KCNJ12: variants seen among roughly 807,000 people sequenced by gnomAD.
The protein encoded by KCNJ12 is potassium inwardly rectifying channel subfamily J member 12, also known as ATP-sensitive inward rectifier potassium channel 12.
Under a neutral mutation model 22.3 loss-of-function variants are expected in KCNJ12, and 2 were observed. That is an observed-to-expected ratio of 0.09 (90% confidence interval 0.04 to 0.28). The LOEUF (loss-of-function observed/expected upper bound fraction) is 0.28, where lower values mean the gene tolerates loss of function less well. Among genes scored for constraint, KCNJ12 ranks in the 10% least tolerant of loss-of-function variants. The pLI, the probability that KCNJ12 is intolerant of heterozygous loss-of-function variation, is 1.00. For missense variants in KCNJ12, 155 were observed against 633.3 expected, an observed-to-expected ratio of 0.24 and a Z score of 8.11; for synonymous variants, 117 against 261.4, an observed-to-expected ratio of 0.45 and a Z score of 5.33.
At chr17:21,379,115 A>G (rs1222658340) in intron 1 of KCNJ12, among the ~76,000 whole-genome samples, 1 of 152,220 alleles carries the variant, frequency 6.6e-6, no homozygotes, top group Admixed American at 6.5e-5. Flanking sequence ...GCCCTGCAAC[A>G]GCAAAATAAT....
chr17:21,382,930 T>G (rs1162586923), intron 1 of KCNJ12, among the ~76,000 whole-genome samples: 2 of 152,102 alleles, frequency 1.3e-5, no homozygotes, highest in Non-Finnish European at 2.9e-5. Context: ...ACCTCCACTG[T>G]GGGAGCGGGC....
intron 1 of KCNJ12, among the ~76,000 whole-genome samples, chr17:21,386,540 G>A (rs782170033): frequency 7.9e-5 from 12 of 151,954 alleles, no homozygotes; most frequent in African/African-American, 1.4e-4. Flanking sequence ...ATGGAGTCTC[G>A]CTCTGTCACC....
chr17:21,403,419 T>G (rs1399256188), intron 1 of KCNJ12, among the ~76,000 whole-genome samples: 2 of 152,304 alleles, frequency 1.3e-5, no homozygotes, highest in South Asian at 2.1e-4. Flanking sequence ...TCCCAGCCTT[T>G]CCTTTGGTGG....
At chr17:21,398,575 A>G (rs1195466695) in intron 1 of KCNJ12, among the ~76,000 whole-genome samples, 1 of 152,064 alleles carries the variant, frequency 6.6e-6, no homozygotes, top group African/African-American at 2.4e-5. Flanking sequence ...CTCAGCGGTG[A>G]CCTGCTCATC....
intron 1 of KCNJ12, among the ~76,000 whole-genome samples, chr17:21,392,342 A>G (rs1265501800): frequency 3.3e-5 from 5 of 152,228 alleles, no homozygotes; most frequent in Non-Finnish European, 5.9e-5. Flanking sequence ...GTTTGCTCAG[A>G]GAACCCAGTT....
chr17:21,406,857 G>A (rs1459941397), intron 1 of KCNJ12, among the ~76,000 whole-genome samples: 1 of 152,292 alleles, frequency 6.6e-6, no homozygotes, highest in South Asian at 2.1e-4. Flanking sequence ...AGGTGCGGAG[G>A]TGAGAAGCAT....
At chr17:21,413,650 C>T (rs1906508035) in intron 2 of KCNJ12, among the ~76,000 whole-genome samples, 3 of 152,294 alleles carry the variant, frequency 2.0e-5, no homozygotes, top group Admixed American at 2.0e-4. Context: ...TGCCATAGCC[C>T]CTAGCTTGCA....
intron 1 of KCNJ12, among the ~76,000 whole-genome samples, chr17:21,384,376 C>G (rs1477405102): frequency 6.6e-6 from 1 of 152,140 alleles, no homozygotes; most frequent in Non-Finnish European, 1.5e-5. Flanking sequence ...GACAGAGATC[C>G]TGGATTGCAG....
At chr17:21,387,110 C>A (rs1429188047) in intron 1 of KCNJ12, among the ~76,000 whole-genome samples, 1 of 151,522 alleles carries the variant, frequency 6.6e-6, no homozygotes, top group Non-Finnish European at 1.5e-5. Flanking sequence ...GAGCGGAGAT[C>A]GCGCCACTGC....
chr17:21,388,870 C>G (rs9892767), intron 1 of KCNJ12, among the ~76,000 whole-genome samples: 19,877 of 152,200 alleles, frequency 0.13, 2,916 homozygotes, highest in African/African-American at 0.37. Flanking sequence ...CTGGGCCCCC[C>G]CCGAGGGAAG....
Position 21,415,916 on chromosome 17 carries a change from C to CAG in KCNJ12, c.576_577dup (p.Thr193ArgfsTer117). 1 of 1,609,342 alleles carries CAG rather than the reference C, an allele frequency of 6.2e-7. No individual in the cohort carries two copies. Among genetic ancestry groups the CAG allele is most frequent in the Non-Finnish European group, 8.5e-7 (1 of 1,178,074 alleles). ...GATGGCAAGGCCCAAGAAGCGGGCACAGACGCTGCTGTTCAGCCACAACGC... is the reference window on the plus strand; with the variant it reads ...GATGGCAAGGCCCAAGAAGCGGGCACAGAGACGCTGCTGTTCAGCCACAACGC... On this transcript the variant is annotated frameshift_variant, in exon 3 of 3. Coordinates refer to ENST00000583088, the MANE Select transcript of KCNJ12 (RefSeq NM_021012.5). LOFTEE classifies it high-confidence loss of function.
chr17:21,387,094 T>C (rs1295355288), intron 1 of KCNJ12, among the ~76,000 whole-genome samples: 3 of 151,882 alleles, frequency 2.0e-5, no homozygotes, highest in Non-Finnish European at 4.4e-5. Flanking sequence ...GGGCGGAGCC[T>C]GCAGTGAGCG....
intron 1 of KCNJ12, among the ~76,000 whole-genome samples, chr17:21,397,743 A>C (rs890366662): frequency 6.6e-6 from 1 of 152,174 alleles, no homozygotes; most frequent in Admixed American, 6.5e-5. Context: ...AAAGGACCCC[A>C]AGCCGGAGAA....
intron 1 of KCNJ12, among the ~76,000 whole-genome samples, chr17:21,385,395 C>T (rs1309019571): frequency 6.6e-6 from 1 of 152,218 alleles, no homozygotes; most frequent in Non-Finnish European, 1.5e-5. Context: ...TGGGCTTGGG[C>T]ACTGCAGGCA....
chr17:21,415,211 T>A, intron 2 of KCNJ12, 76 bp from the exon 3 acceptor site: 1 of 1,444,066 alleles, frequency 6.9e-7, no homozygotes, highest in Non-Finnish European at 9.4e-7. Flanking sequence ...TCCAGTCACG[T>A]CTGGGGGCCC....
At chr17:21,384,744 G>GTT (rs1347936655) in intron 1 of KCNJ12, among the ~76,000 whole-genome samples, 6 of 133,788 alleles carry the variant, frequency 4.5e-5, no homozygotes, top group Non-Finnish European at 9.9e-5. Flanking sequence ...ATGTCACTTT[G>GTT]TTTTTTTTTT....
intron 1 of KCNJ12, among the ~76,000 whole-genome samples, chr17:21,394,556 C>T (rs1368861980): frequency 6.6e-6 from 1 of 152,178 alleles, no homozygotes; most frequent in East Asian, 1.9e-4. Context: ...AACCTAAGCT[C>T]TCATTATAGA....
intron 1 of KCNJ12, among the ~76,000 whole-genome samples, chr17:21,383,975 G>T (rs1281854958): frequency 6.6e-6 from 1 of 152,122 alleles, no homozygotes; most frequent in East Asian, 1.9e-4. Context: ...GTTGTAAGGG[G>T]AAAAGTGAAT....
intron 1 of KCNJ12, among the ~76,000 whole-genome samples, chr17:21,393,595 C>T (rs1276226401): frequency 5.9e-5 from 9 of 152,204 alleles, no homozygotes; most frequent in Non-Finnish European, 8.8e-5. Flanking sequence ...TGGTGGAGGC[C>T]GGAGGGCAGC....
Sources: allele counts gnomAD v4.1 joint callset (sites outside exome capture counted in the v4.1 genomes callset), GRCh38; gene constraint gnomAD v4.1.1; transcripts MANE v1.5; gene names NCBI Gene and HGNC (gene_info 2026-07-23, HGNC 2026-07-21).